The following GRM5 variants were observed in gnomAD, a reference collection of about 807,000 sequenced individuals.
The protein encoded by GRM5 is metabotropic glutamate receptor 5.
GRM5 carries 19 observed loss-of-function variants against 83.1 expected under a neutral mutation model. The ratio of observed to expected loss-of-function variants is 0.23; its 90% CI spans 0.16 to 0.34. The LOEUF (loss-of-function observed/expected upper bound fraction) is 0.34. GRM5 is among the 10% of genes least tolerant of loss of function. The pLI is 1.00. For synonymous variants in GRM5, 675 were observed against 633.6 expected, an observed-to-expected ratio of 1.07 and a Z score of -0.98; for missense variants, 1,160 against 1,588.3, an observed-to-expected ratio of 0.73 and a Z score of 4.58.
chr11:88,548,606 A>C (rs1218068967), intron 8 of GRM5, among the ~76,000 whole-genome samples: 1 of 152,192 alleles, frequency 6.6e-6, no homozygotes, highest in Non-Finnish European at 1.5e-5. Context: ...ACTACAAAGC[A>C]TTTCTTCCCT....
At chr11:88,796,734 CT>C (rs1943282192) in intron 3 of GRM5, among the ~76,000 whole-genome samples, 1 of 152,042 alleles carries the variant, frequency 6.6e-6, no homozygotes, top group Non-Finnish European at 1.5e-5. Context: ...TAAAAATGCT[CT>C]TGAGATCTTA....
At chr11:88,849,813 T>G in intron 3 of GRM5, 93 bp downstream of exon 3, 3 of 1,215,256 alleles carry the variant, frequency 2.5e-6, no homozygotes, top group Non-Finnish European at 3.6e-6. Flanking sequence ...GATTAAGCTT[T>G]GAAAGAATTT....
chr11:88,835,495 G>A (rs556987550), intron 3 of GRM5, among the ~76,000 whole-genome samples: 1 of 152,274 alleles, frequency 6.6e-6, no homozygotes, highest in South Asian at 2.1e-4. Context: ...TCTCACCTCT[G>A]AGTATCATAG....
chr11:88,863,149 T>C (rs1944596564), intron 2 of GRM5, among the ~76,000 whole-genome samples: 1 of 152,038 alleles, frequency 6.6e-6, no homozygotes, highest in East Asian at 1.9e-4. Context: ...GGGAACACGT[T>C]TACACTCTTG....
chr11:88,604,218 A>G (rs1277846695), intron 5 of GRM5, among the ~76,000 whole-genome samples: 1 of 152,216 alleles, frequency 6.6e-6, no homozygotes. Context: ...TTAGTCCTTA[A>G]CAAGGAAGAA....
In GRM5 at chr11:88,766,482, T is replaced by G. The variant is rs185550236; in HGVS notation, c.911+83424A>C. On this transcript the variant is annotated intron_variant, in intron 3 of 9. Coordinates refer to ENST00000305447, the MANE Select transcript of GRM5 (RefSeq NM_001143831.3). ...ATGAACTCTATTCACTTAATGGTAC[T>G]GGGATAGCTGGCTAGCCATATGCAG... 5.9e-5 allele frequency among the ~76,000 whole-genome samples: 9 copies of G among 152,110 alleles called. No individual in the cohort carries two copies. The East Asian group carries it at 1.7e-3, about 29-fold the overall frequency.
intron 4 of GRM5, among the ~76,000 whole-genome samples, chr11:88,605,298 T>C (rs1180616224): frequency 6.6e-6 from 1 of 152,010 alleles, no homozygotes; most frequent in Non-Finnish European, 1.5e-5. Context: ...ATTCATTTCA[T>C]TAGTATGAGC....
intron 2 of GRM5, among the ~76,000 whole-genome samples, chr11:88,967,527 G>A (rs1236248134): frequency 6.6e-6 from 1 of 151,874 alleles, no homozygotes; most frequent in African/African-American, 2.4e-5. Flanking sequence ...GCATGCATGA[G>A]AGAGCAAGCA....
intron 3 of GRM5, among the ~76,000 whole-genome samples, chr11:88,715,713 G>A (rs1389762782): frequency 6.6e-6 from 1 of 151,958 alleles, no homozygotes; most frequent in Admixed American, 6.6e-5. Flanking sequence ...TGCCAACTAT[G>A]TTTTCCTGCT....
At chr11:88,844,494 G>T (rs1358300118) in intron 3 of GRM5, among the ~76,000 whole-genome samples, 1 of 151,158 alleles carries the variant, frequency 6.6e-6, no homozygotes, top group Non-Finnish European at 1.5e-5. Flanking sequence ...GTTTAGTGTT[G>T]TTTACATGCC....
chr11:88,557,661 C>T (rs1358993452), intron 8 of GRM5, among the ~76,000 whole-genome samples: 1 of 152,114 alleles, frequency 6.6e-6, no homozygotes, highest in Non-Finnish European at 1.5e-5. Flanking sequence ...TGATTCCCTG[C>T]ACACACCATG....
chr11:88,828,446 G>A (rs1943930590), intron 3 of GRM5, among the ~76,000 whole-genome samples: 1 of 152,002 alleles, frequency 6.6e-6, no homozygotes. Flanking sequence ...TCTTTAAAGT[G>A]TTTACTTGGA....
chr11:88,939,599 G>A (rs1938017232), intron 2 of GRM5, among the ~76,000 whole-genome samples: 1 of 151,666 alleles, frequency 6.6e-6, no homozygotes, highest in Admixed American at 6.6e-5. Flanking sequence ...CCTAAACCAA[G>A]TAGCTCACAT....
At chr11:88,625,834 C>T (rs938383681) in intron 4 of GRM5, among the ~76,000 whole-genome samples, 1 of 152,112 alleles carries the variant, frequency 6.6e-6, no homozygotes, top group Non-Finnish European at 1.5e-5. Context: ...ACAGCAACAA[C>T]ACAAATCCAA....
chr11:88,634,229 G>T (rs1939057269), intron 4 of GRM5, among the ~76,000 whole-genome samples: 1 of 152,136 alleles, frequency 6.6e-6, no homozygotes, highest in South Asian at 2.1e-4. Flanking sequence ...ATTACTGTAT[G>T]CCACTATGAC....
At chr11:88,664,358 G>A (rs1939984591) in intron 3 of GRM5, among the ~76,000 whole-genome samples, 1 of 151,858 alleles carries the variant, frequency 6.6e-6, no homozygotes, top group Non-Finnish European at 1.5e-5. Context: ...GGTTGTGTCT[G>A]TACTGAACAT....
intron 8 of GRM5, among the ~76,000 whole-genome samples, chr11:88,561,550 A>G (rs2135162708): frequency 6.6e-6 from 1 of 152,308 alleles, no homozygotes; most frequent in East Asian, 1.9e-4. Context: ...CATCAGATTC[A>G]ATGCTTTATT....
rs200315506 is a variant in GRM5, at chr11:88,746,779, G to GA, written c.912-93377dup. On this transcript the variant is annotated intron_variant, in intron 3 of 9. Coordinates refer to ENST00000305447, the MANE Select transcript of GRM5 (RefSeq NM_001143831.3). ...CACACATCAAAGATGGTTGTAATCA[G>GA]AAAAAAAGTAGCATGTAAGAAGTTG... 9.7e-4 allele frequency among the ~76,000 whole-genome samples: 147 copies of GA among 152,082 alleles called. 1 individual carries two copies. In the East Asian group the frequency reaches 0.024, roughly 25 times the overall value.
chr11:89,013,189 T>C (rs899217013), intron 2 of GRM5, among the ~76,000 whole-genome samples: 7 of 152,332 alleles, frequency 4.6e-5, no homozygotes, highest in Middle Eastern at 3.4e-3. Context: ...TCTAATGCGA[T>C]AGATGACAAA....
Sources: gnomAD v4.1 joint callset for allele counts (sites outside exome capture counted in the v4.1 genomes callset) on GRCh38, gnomAD v4.1.1 for gene constraint, MANE v1.5 for transcripts, NCBI Gene and HGNC (gene_info 2026-07-23, HGNC 2026-07-21) for gene names.